The following LYPD1 variants were observed in gnomAD, a reference collection of about 807,000 sequenced individuals.
The protein encoded by LYPD1 is ly6/PLAUR domain-containing protein 1.
A neutral mutation model predicts 14.2 loss-of-function variants in LYPD1; 14 were observed. The ratio of observed to expected loss-of-function variants is 0.99; its 90% CI spans 0.65 to 1.54. The LOEUF (loss-of-function observed/expected upper bound fraction) is 1.54. Among genes scored for constraint, LYPD1 ranks in the 40% most tolerant of loss-of-function variants. The pLI is 0.00. For synonymous variants in LYPD1, 85 were observed against 70.6 expected (o/e 1.20, Z -1.02); for missense variants, 165 against 175.7 (o/e 0.94, Z 0.34).
At chr2:132,656,678 A>AAGT (rs1456394249) in intron 2 of LYPD1, among the ~76,000 whole-genome samples, 2 of 152,182 alleles carry the variant, frequency 1.3e-5, no homozygotes, top group Admixed American at 1.3e-4. Context: ...AAGATCAAGA[A>AAGT]AGTAGTTCTT....
chr2:132,654,959 A>G (rs1447245709), intron 2 of LYPD1, among the ~76,000 whole-genome samples: 1 of 152,038 alleles, frequency 6.6e-6, no homozygotes, highest in Non-Finnish European at 1.5e-5. Context: ...CATGTTAGCC[A>G]CGATGGTCTC....
rs1035026125 is a variant in LYPD1 at position 132,669,419 on chromosome 2, C to T, written c.52+462G>A. 6.6e-6 allele frequency among the ~76,000 whole-genome samples: 1 copy of T among 152,178 alleles called. No homozygotes were observed. Among genetic ancestry groups the T allele is most frequent in the African/African-American group, 2.4e-5 (1 of 41,442 alleles). ...CTAGACCCAACTACCCACGCTCCCG[C>T]AGCCCCACATCTATCGCACTCTGAG... On this transcript the variant is annotated intron_variant, in intron 1 of 2. Transcript: ENST00000397463. This position sits in a 1 kb window ranked among gnomAD's most constrained non-coding sequence, Gnocchi z 4.3.
intron 2 of LYPD1, chr2:132,660,487 A>C (rs1682868112): frequency 6.6e-6 from 1 of 152,232 alleles, no homozygotes; most frequent in Non-Finnish European, 1.5e-5. Context: ...CTGTGAAAAG[A>C]GTTTCAGAAT....
At position 132,645,055 on chromosome 2, in the gene LYPD1, G is replaced by T; in HGVS notation, c.*990C>A. On this transcript the variant is annotated 3_prime_UTR_variant, in exon 3 of 3. Coordinates refer to ENST00000397463, the MANE Select transcript of LYPD1 (RefSeq NM_144586.7). ...TATTCATTTACTGTGTTCTCATGCTGTGTTTTTCTTTTCTCTGTCTCTCCC... is the reference window on the plus strand; with the variant it reads ...TATTCATTTACTGTGTTCTCATGCTTTGTTTTTCTTTTCTCTGTCTCTCCC... 6.4e-7 allele frequency: 1 copy of T among 1,570,926 alleles called. No individual in the cohort carries two copies.
chr2:132,649,286 G>C (rs1682263653), intron 2 of LYPD1, among the ~76,000 whole-genome samples: 1 of 152,190 alleles, frequency 6.6e-6, no homozygotes, highest in Admixed American at 6.5e-5. Flanking sequence ...ACGTGGTGGA[G>C]ATAACACTGT....
At chr2:132,650,998 C>CTA (rs1682342471) in intron 2 of LYPD1, among the ~76,000 whole-genome samples, 1 of 152,064 alleles carries the variant, frequency 6.6e-6, no homozygotes, top group African/African-American at 2.4e-5. Flanking sequence ...GCCTGCCATG[C>CTA]TATAACATGC....
At chr2:132,648,793 A>G (rs981551917) in intron 2 of LYPD1, among the ~76,000 whole-genome samples, 10 of 152,164 alleles carry the variant, frequency 6.6e-5, no homozygotes, top group Admixed American at 5.2e-4. Context: ...GAAGGTTGAC[A>G]GCTCCATAAG....
At chr2:132,663,096 TTTG>T (rs1683059295) in intron 2 of LYPD1, 1 of 152,126 alleles carries the variant, frequency 6.6e-6, no homozygotes, top group African/African-American at 2.4e-5. Flanking sequence ...GAGCAAGGTG[TTTG>T]TTCTTTTAGT....
intron 2 of LYPD1, among the ~76,000 whole-genome samples, chr2:132,653,382 T>G (rs555622858): frequency 5.9e-5 from 9 of 152,308 alleles, no homozygotes; most frequent in African/African-American, 2.2e-4. Flanking sequence ...TAAATAATGA[T>G]AGTATTGGAT....
chr2:132,662,079 A>G (rs908182678), intron 2 of LYPD1, among the ~76,000 whole-genome samples: 1 of 152,192 alleles, frequency 6.6e-6, no homozygotes, highest in Non-Finnish European at 1.5e-5. Context: ...TTCTAAATTA[A>G]CTATGAGGAT....
At chr2:132,668,798 C>G (rs1295440366) in intron 1 of LYPD1, among the ~76,000 whole-genome samples, 3 of 152,188 alleles carry the variant, frequency 2.0e-5, no homozygotes, top group African/African-American at 4.8e-5. Context: ...CATTACCACC[C>G]CAGGCCTTTT....
At chr2:132,668,265 T>C in intron 2 of LYPD1, 135 bp downstream of exon 2, 1 of 1,175,204 alleles carries the variant, frequency 8.5e-7, no homozygotes, top group East Asian at 2.7e-5. Flanking sequence ...CCCAGCACTG[T>C]AAAACTAAAT....
At position 132,669,745 on chromosome 2, in the gene LYPD1, G is replaced by A; in HGVS notation, c.52+136C>T. On this transcript the variant is annotated intron_variant, in intron 1 of 2. Coordinates refer to ENST00000397463, the MANE Select transcript of LYPD1 (RefSeq NM_144586.7). This position sits in a 1 kb window ranked among gnomAD's most constrained non-coding sequence, Gnocchi z 4.3. ...CCCAGCCTCGCGCCCCGGGGCACCA[G>A]TCGCGGCCGCCAACTCCCGCTGGGC... 1 of 1,450,822 alleles carries A rather than the reference G, an allele frequency of 6.9e-7. No individual in the cohort carries two copies. Among genetic ancestry groups the A allele is most frequent in the Non-Finnish European group, 9.0e-7 (1 of 1,106,078 alleles). 89.9% of individuals were successfully genotyped at this position (1,450,822 alleles called of 1,614,324 possible).
At position 132,669,099 on chromosome 2, in the gene LYPD1, G is replaced by T. The variant is rs1248183846; in HGVS notation, c.53-562C>A. Among the ~76,000 whole-genome samples the T allele has an allele frequency of 6.6e-6, 1 of 152,136 alleles. No homozygotes were observed. Among genetic ancestry groups the T allele is most frequent in the African/African-American group, 2.4e-5 (1 of 41,434 alleles). On this transcript the variant is annotated intron_variant, in intron 1 of 2. Coordinates refer to ENST00000397463, the MANE Select transcript of LYPD1 (RefSeq NM_144586.7). This position sits in a 1 kb window ranked among gnomAD's most constrained non-coding sequence, Gnocchi z 4.3. ...GCCAGACGCCAAGCGCTGCTGCGCC[G>T]CAAGTCCCCGAGCCCGGGTCGGCGG...
At position 132,670,051 on chromosome 2, in the gene LYPD1, G is replaced by A. The variant is rs779798800; in HGVS notation, c.-119C>T. ...GGCTGCTGGGGCCCGCGCTGCTGCCGCGGAGACGACGGTCGTAGCTTAGAG... is the reference window on the plus strand; with the variant it reads ...GGCTGCTGGGGCCCGCGCTGCTGCCACGGAGACGACGGTCGTAGCTTAGAG... On this transcript the variant is annotated 5_prime_UTR_variant, in exon 1 of 3. Transcript: ENST00000397463. The surrounding 1 kb of genome is among the most constrained non-coding windows in gnomAD (Gnocchi z 4.5). 1.6e-5 allele frequency: 24 copies of A among 1,536,820 alleles called. No homozygotes were observed. The highest frequency in any genetic ancestry group is 1.8e-5 in the Non-Finnish European group (21 of 1,151,242).
chr2:132,667,114 T>G (rs950328895), intron 2 of LYPD1: 2 of 152,182 alleles, frequency 1.3e-5, no homozygotes, highest in Non-Finnish European at 2.9e-5. Flanking sequence ...CTATCAATCT[T>G]AAGAATTATC....
At chr2:132,654,426 A>G (rs1242468915) in intron 2 of LYPD1, among the ~76,000 whole-genome samples, 1 of 151,080 alleles carries the variant, frequency 6.6e-6, no homozygotes, top group Non-Finnish European at 1.5e-5. Flanking sequence ...ATTGGTACGA[A>G]TGTGGGAAAA....
intron 2 of LYPD1, among the ~76,000 whole-genome samples, chr2:132,667,707 G>A (rs1418606179): frequency 6.6e-6 from 1 of 152,160 alleles, no homozygotes; most frequent in Non-Finnish European, 1.5e-5. Flanking sequence ...TAAGACAGCT[G>A]GGGTAGGGGG....
upstream of LYPD1, among the ~76,000 whole-genome samples, chr2:132,670,643 G>A (rs1683649486): frequency 6.6e-6 from 1 of 152,226 alleles, no homozygotes; most frequent in East Asian, 1.9e-4. This position sits in a 1 kb window ranked among gnomAD's most constrained non-coding sequence, Gnocchi z 4.5. Flanking sequence ...GCTGCGGGCC[G>A]CGGGAGCCTG....
Sources: allele counts gnomAD v4.1 joint callset (sites outside exome capture counted in the v4.1 genomes callset), GRCh38; gene constraint gnomAD v4.1.1; non-coding constraint Gnocchi (gnomAD v3.1); transcripts MANE v1.5; gene names NCBI Gene and HGNC (gene_info 2026-07-23, HGNC 2026-07-21).